C11orf97: variants seen among roughly 807,000 people sequenced by gnomAD.
C11orf97 encodes chromosome 11 open reading frame 97.
C11orf97 carries 15 observed loss-of-function variants against 16.2 expected under a neutral mutation model. The ratio of observed to expected loss-of-function variants is 0.93; its 90% confidence interval spans 0.62 to 1.43. C11orf97 has a LOEUF of 1.43. C11orf97 is among the 40% of genes most tolerant of loss of function. The probability of loss-of-function intolerance (pLI) is 0.00; values close to 1 mark genes in which losing one functional copy is unlikely to be tolerated. For missense variants in C11orf97, 171 were observed against 161.2 expected (o/e 1.06, Z -0.33); for synonymous variants, 61 against 65.7 (o/e 0.93, Z 0.34).
intron 2 of C11orf97, among the ~76,000 whole-genome samples, 186 bp from the exon 3 acceptor site, chr11:94,527,898 T>G (rs1277513451): frequency 6.6e-6 from 1 of 152,210 alleles, no homozygotes; most frequent in East Asian, 1.9e-4. Context: ...GCATAGAGAA[T>G]AGTTGAATAA....
At chr11:94,531,564 G>C (rs1433955471) in intron 3 of C11orf97, among the ~76,000 whole-genome samples, 1 of 147,280 alleles carries the variant, frequency 6.8e-6, no homozygotes, top group Non-Finnish European at 1.5e-5. Flanking sequence ...GTCTAGTCTG[G>C]TGCTAAGCTT....
At chr11:94,514,987 G>T (rs1947600745) in intron 1 of C11orf97, among the ~76,000 whole-genome samples, 1 of 152,104 alleles carries the variant, frequency 6.6e-6, no homozygotes, top group Non-Finnish European at 1.5e-5. Flanking sequence ...AACCTGGCTG[G>T]CTGGCCACTT....
At chr11:94,517,394 G>GAA (rs1947619243) in intron 1 of C11orf97, among the ~76,000 whole-genome samples, 189 bp from the exon 2 acceptor site, 1 of 152,212 alleles carries the variant, frequency 6.6e-6, no homozygotes, top group African/African-American at 2.4e-5. Flanking sequence ...ATGAAAACGT[G>GAA]AAGTCCCAAA....
chr11:94,512,629 C>A lies in C11orf97; in HGVS notation c.101C>A (p.Ala34Glu), dbSNP rs1279105928. Residue 34 changes from alanine (A) to glutamate (E), a missense_variant, in exon 1 of 4, where the codon GCG becomes GAG. Coordinates refer to ENST00000542198, the MANE Select transcript of C11orf97 (RefSeq NM_001190462.2). ...CCGCCAGCAGGGCTGGGGTGCGGGG[C>A]GCGCGGGGAACCCGGCCGCGGCCCC... ...PPPPAGLGCG[A>E]RGEPGRGPLE... is the part of the protein sequence containing the mutation. The A allele has an allele frequency of 1.6e-6, 2 of 1,255,664 alleles. No homozygotes were observed. The highest frequency in any genetic ancestry group is 4.2e-5 in the Admixed American group (1 of 23,864). The allele number at this position is 1,255,664 out of a possible 1,614,324, so 77.8% of individuals were successfully genotyped here. A position where few individuals can be genotyped will look rare whatever the true frequency, so the allele number is the denominator to read the frequency against.
chr11:94,515,023 A>G (rs764586685), intron 1 of C11orf97, among the ~76,000 whole-genome samples: 13 of 152,182 alleles, frequency 8.5e-5, no homozygotes, highest in Non-Finnish European at 1.9e-4. Context: ...AGTGTATCAT[A>G]TCACTGAAAC....
At position 94,512,660 on chromosome 11, in the gene C11orf97, G is replaced by C; in HGVS notation, c.132G>C (p.Glu44Asp). The C allele has an allele frequency of 8.0e-7, 1 of 1,244,808 alleles. No individual in the cohort carries two copies. The allele number at this position is 1,244,808 out of a possible 1,614,324, so 77.1% of individuals were successfully genotyped here. A position where few individuals can be genotyped will look rare whatever the true frequency, so the allele number is the denominator to read the frequency against. Residue 44 changes from glutamate to aspartate, a missense_variant, in exon 1 of 4, where the codon GAG becomes GAC. Transcript: ENST00000542198. ...ARGEPGRGPL[E>D]HGQQWKKFLY... The stretch of plus-strand genomic sequence containing the variant: ...GGGAACCCGGCCGCGGCCCCCTAGA[G>C]CACGGCCAGCAGTGTGAGTTCAGCT...
At chr11:94,522,299 G>A (rs1947663321) in intron 2 of C11orf97, among the ~76,000 whole-genome samples, 1 of 152,176 alleles carries the variant, frequency 6.6e-6, no homozygotes, top group Admixed American at 6.5e-5. Context: ...ACTTTAGGAG[G>A]CTGAGACGGG....
At chr11:94,520,602 A>G (rs1947650417) in intron 2 of C11orf97, among the ~76,000 whole-genome samples, 1 of 152,182 alleles carries the variant, frequency 6.6e-6, no homozygotes, top group South Asian at 2.1e-4. Context: ...CTCTATTCCC[A>G]GGCTTTTAAA....
intron 1 of C11orf97, among the ~76,000 whole-genome samples, chr11:94,516,733 C>G (rs1947613906): frequency 6.6e-6 from 1 of 152,016 alleles, no homozygotes; most frequent in Non-Finnish European, 1.5e-5. Flanking sequence ...GGAAAGTTTT[C>G]CTAAAGAACT....
rs1947576253 is a variant in C11orf97 at position 94,512,463 on chromosome 11, G to A, written c.-66G>A. The A allele has an allele frequency of 3.2e-6, 4 of 1,249,180 alleles. No individual in the cohort carries two copies. The highest frequency in any genetic ancestry group is 3.2e-5 in the South Asian group (1 of 31,274). 77.4% of individuals were successfully genotyped at this position (1,249,180 alleles called of 1,614,324 possible). ...TATGGCAACCCGAGACGCCTCGCAT[G>A]CTGGGCTGCCTGCGACTGAGCTGAG... is the stretch of plus-strand genomic sequence containing the variant. On this transcript the variant is annotated 5_prime_UTR_variant, in exon 1 of 4. It removes an upstream start codon present in the reference 5' UTR. Coordinates refer to ENST00000542198, the MANE Select transcript of C11orf97 (RefSeq NM_001190462.2).
chr11:94,514,518 C>G (rs544437244), intron 1 of C11orf97, among the ~76,000 whole-genome samples: 1 of 152,316 alleles, frequency 6.6e-6, no homozygotes, highest in African/African-American at 2.4e-5. Flanking sequence ...CAGTCCTGCT[C>G]TCAAACACGA....
In C11orf97 at chr11:94,517,579, A is replaced by G. The variant is rs367851133; in HGVS notation, c.146-4A>G. ...AGTAATTGATTTTGTTAATGCCTTT[A>G]TAGGGAAGAAATTTTTATATTGTGA... is the stretch of plus-strand genomic sequence containing the variant. On this transcript the variant is annotated splice_polypyrimidine_tract_variant and splice_region_variant and intron_variant, in intron 1 of 3. Coordinates refer to ENST00000542198, the MANE Select transcript of C11orf97 (RefSeq NM_001190462.2). 33 of 1,512,418 alleles carry G rather than the reference A, an allele frequency of 2.2e-5. 1 individual carries two copies. In the African/African-American group the frequency reaches 4.0e-4, roughly 18 times the overall value. 93.7% of individuals were successfully genotyped at this position (1,512,418 alleles called of 1,614,324 possible).
At chr11:94,519,500 G>A (rs1947639770) in intron 2 of C11orf97, among the ~76,000 whole-genome samples, 1 of 152,056 alleles carries the variant, frequency 6.6e-6, no homozygotes, top group African/African-American at 2.4e-5. Flanking sequence ...ATAAAAGCTA[G>A]TTTATACACT....
intron 2 of C11orf97, among the ~76,000 whole-genome samples, chr11:94,524,939 G>T (rs1947688156): frequency 6.6e-6 from 1 of 151,714 alleles, no homozygotes; most frequent in Non-Finnish European, 1.5e-5. Context: ...TGCACCTATA[G>T]TCCCAGCTAC....
At chr11:94,526,227 C>A (rs1355136654) in intron 2 of C11orf97, among the ~76,000 whole-genome samples, 1 of 152,166 alleles carries the variant, frequency 6.6e-6, no homozygotes, top group Non-Finnish European at 1.5e-5. Flanking sequence ...GTTTTCTAGA[C>A]CCCCTTTTAT....
At chr11:94,515,714 C>A (rs138200825) in intron 1 of C11orf97, among the ~76,000 whole-genome samples, 2 of 151,552 alleles carry the variant, frequency 1.3e-5, no homozygotes, top group African/African-American at 2.4e-5. Flanking sequence ...GTTTGTGAAA[C>A]CTTTTTCTGC....
Position 94,531,879 on chromosome 11 carries a change from T to C in C11orf97, c.377-17T>C, listed in dbSNP as rs977934719. The C allele has an allele frequency of 2.7e-5, 35 of 1,312,540 alleles. No homozygotes were observed. Among genetic ancestry groups the C allele is most frequent in the African/African-American group, 5.0e-5 (2 of 39,640 alleles). 81.3% of individuals were successfully genotyped at this position (1,312,540 alleles called of 1,614,324 possible). On this transcript the variant is annotated splice_polypyrimidine_tract_variant and intron_variant, in intron 3 of 3. Transcript: ENST00000542198. Reference sequence around the variant, plus strand: ...GAAGTAAAACACTTATTTTTTCACTTTTTTTTTTAACTCTAGGATAAGATG... The same window carrying C: ...GAAGTAAAACACTTATTTTTTCACTCTTTTTTTTAACTCTAGGATAAGATG...
intron 2 of C11orf97, among the ~76,000 whole-genome samples, chr11:94,523,193 T>C (rs11020808): frequency 0.084 from 12,760 of 152,298 alleles, 663 homozygotes; most frequent in South Asian, 0.19. Context: ...TTTACTCATA[T>C]TACCTGCCTG....
chr11:94,514,068 CCAAAG>C (rs1947589778), intron 1 of C11orf97, among the ~76,000 whole-genome samples: 1 of 152,192 alleles, frequency 6.6e-6, no homozygotes, highest in African/African-American at 2.4e-5. Context: ...CCTCAGCCTC[CCAAAG>C]TGCTGGGATT....
Sources: gnomAD v4.1 joint callset for allele counts (sites outside exome capture counted in the v4.1 genomes callset) on GRCh38, gnomAD v4.1.1 for gene constraint, MANE v1.5 for transcripts, NCBI Gene and HGNC (gene_info 2026-07-23, HGNC 2026-07-21) for gene names.